The following SLAMF1 variants were observed in gnomAD, a reference collection of about 807,000 sequenced individuals.
SLAMF1 encodes the protein signaling lymphocytic activation molecule family member 1, also known as signaling lymphocytic activation molecule.
In SLAMF1, 18 loss-of-function variants were observed where a neutral mutation model predicts 35.1. That is an observed-to-expected ratio of 0.51 (90% CI 0.35 to 0.76). SLAMF1 has a LOEUF of 0.76. Ranked by LOEUF, SLAMF1 falls within the 30% of genes least tolerant of loss-of-function variation. SLAMF1 has a pLI of 0.01. For missense variants in SLAMF1, 392 were observed against 413.0 expected (o/e 0.95, Z 0.44); for synonymous variants, 168 against 157.2 (o/e 1.07, Z -0.51).
At chr1:160,625,230 G>C (rs1269283806) in intron 3 of SLAMF1, among the ~76,000 whole-genome samples, 3 of 152,160 alleles carry the variant, frequency 2.0e-5, no homozygotes, top group Non-Finnish European at 4.4e-5. Context: ...GTTCTAAGTA[G>C]AATATTCGCA....
At position 160,612,447 on chromosome 1, in the gene SLAMF1, G is replaced by A. The variant is rs760445877; in HGVS notation, c.957+41C>T. ...ACTTCCTCATTTTCCCCTCCTTCATGTATTCCCTCTCTACGGAGAGTAGGC... is the reference window on the plus strand; with the variant it reads ...ACTTCCTCATTTTCCCCTCCTTCATATATTCCCTCTCTACGGAGAGTAGGC... On this transcript the variant is annotated intron_variant, in intron 6 of 6. Transcript: ENST00000302035. 3 of 1,331,380 alleles carry A rather than the reference G, an allele frequency of 2.3e-6. 1 individual carries two copies. The highest frequency in any genetic ancestry group is 2.5e-5 in the South Asian group (2 of 78,668). The allele number at this position is 1,331,380 out of a possible 1,614,324, so 82.5% of individuals were successfully genotyped here.
In SLAMF1 at chr1:160,637,338, G is replaced by A. The variant is rs117250272; in HGVS notation, c.268C>T (p.Arg90Cys). 1.1e-5 allele frequency: 17 copies of A among 1,613,960 alleles called. No homozygotes were observed. The highest frequency in any genetic ancestry group is 4.5e-5 in the East Asian group (2 of 44,890). ...SLDPSEAGPP[R>C]YLGDRYKFYL... is the part of the protein sequence containing the mutation. ...AACTTGTAGCGATCTCCTAGATAACGTGGAGGGCCTGCTTCGGATGGATCA... is the reference window on the plus strand; with the variant it reads ...AACTTGTAGCGATCTCCTAGATAACATGGAGGGCCTGCTTCGGATGGATCA... Residue 90 changes from arginine to cysteine, a missense_variant, in exon 2 of 7, where the codon CGT becomes TGT. Arg to Cys is a radical substitution (Grantham distance 180). Coordinates refer to ENST00000302035, the MANE Select transcript of SLAMF1 (RefSeq NM_003037.5).
chr1:160,615,079 T>C (rs1474935799), intron 5 of SLAMF1, among the ~76,000 whole-genome samples: 3 of 152,150 alleles, frequency 2.0e-5, no homozygotes, highest in Non-Finnish European at 4.4e-5. Flanking sequence ...ATAAGATTAT[T>C]TTATAGCCAT....
At chr1:160,638,112 AC>A (rs932509141) in intron 1 of SLAMF1, among the ~76,000 whole-genome samples, 17 of 152,156 alleles carry the variant, frequency 1.1e-4, no homozygotes, top group African/African-American at 3.6e-4. Context: ...GTGAGATATT[AC>A]TGTATTTCTC....
chr1:160,643,296 C>T (rs1292900610), intron 1 of SLAMF1, among the ~76,000 whole-genome samples: 1 of 152,108 alleles, frequency 6.6e-6, no homozygotes, highest in Non-Finnish European at 1.5e-5. Flanking sequence ...TGGGACTTGA[C>T]TCCAAGTTCT....
At position 160,637,492 on chromosome 1, in the gene SLAMF1, C is replaced by A. The variant is rs35724925; in HGVS notation, c.114G>T (p.Gln38His). The change falls in exon 2 of 7, where the codon CAG becomes CAT. Residue 38 changes from glutamine (Q) to histidine (H), a missense_variant. Gln to His is a conservative substitution (Grantham distance 24). Transcript: ENST00000302035. ...GGGGCAGCAGCACTTTGCTTCCCAA[C>A]TGCCGGAGAATCTTTGGGCAGTTCA... ...RMMNCPKILR[Q>H]LGSKVLLPLT... is the part of the protein sequence containing the mutation. 2 of 1,612,698 alleles carry A rather than the reference C, an allele frequency of 1.2e-6. No homozygotes were observed. The highest frequency in any genetic ancestry group is 2.7e-5 in the African/African-American group (2 of 74,934).
intron 3 of SLAMF1, among the ~76,000 whole-genome samples, chr1:160,627,112 C>T (rs1659924720): frequency 6.6e-6 from 1 of 152,174 alleles, no homozygotes; most frequent in Non-Finnish European, 1.5e-5. Flanking sequence ...TCTGGGTCTA[C>T]CACTTGATAG....
intron 4 of SLAMF1, among the ~76,000 whole-genome samples, chr1:160,621,805 C>G (rs1302087363): frequency 6.6e-6 from 1 of 151,122 alleles, no homozygotes; most frequent in Non-Finnish European, 1.5e-5. Flanking sequence ...GTGGTTTCAA[C>G]TTCGCTTTTT....
At position 160,609,833 on chromosome 1, in the gene SLAMF1, A is replaced by G. The variant is rs1184734413; in HGVS notation, c.*915T>C. On this transcript the variant is annotated 3_prime_UTR_variant, in exon 7 of 7. Transcript: ENST00000302035. Reference sequence around the variant, plus strand: ...CAATACCCCTTGAAGCCCTGGATATAAGAGGTTCAGAATCTGGTCACAGAG... The same window carrying G: ...CAATACCCCTTGAAGCCCTGGATATGAGAGGTTCAGAATCTGGTCACAGAG... 6.4e-6 allele frequency: 1 copy of G among 156,264 alleles called. No individual in the cohort carries two copies. The highest frequency in any genetic ancestry group is 2.4e-5 in the African/African-American group (1 of 41,462). 9.7% of individuals were successfully genotyped at this position (156,264 alleles called of 1,614,324 possible).
At chr1:160,618,396 G>C (rs991735677) in intron 5 of SLAMF1, among the ~76,000 whole-genome samples, 22 of 149,176 alleles carry the variant, frequency 1.5e-4, no homozygotes, top group African/African-American at 5.7e-4. Flanking sequence ...GTGTGTATGT[G>C]AGAGTGAGTG....
At chr1:160,634,938 C>T (rs752490536) in intron 2 of SLAMF1, 41 bp from the exon 3 acceptor site, 3 of 1,549,210 alleles carry the variant, frequency 1.9e-6, no homozygotes, top group Admixed American at 1.9e-5. Flanking sequence ...CTGAAGTGAA[C>T]CCCTGGGAAT....
rs558017005 is a variant in SLAMF1 at position 160,619,174 on chromosome 1, C to T, written c.864+602G>A. 3.3e-5 allele frequency among the ~76,000 whole-genome samples: 5 copies of T among 152,308 alleles called. No homozygotes were observed. The East Asian group carries it at 5.8e-4, about 18-fold the overall frequency. On this transcript the variant is annotated intron_variant, in intron 5 of 6. Coordinates refer to ENST00000302035, the MANE Select transcript of SLAMF1 (RefSeq NM_003037.5). ...ACTACAGTGTCTCTACATCTAACCA[C>T]GATCCTTTTAGCGTCTCTATCCCTT...
At chr1:160,620,154 G>A (rs1035649529) in intron 4 of SLAMF1, among the ~76,000 whole-genome samples, 1 of 152,156 alleles carries the variant, frequency 6.6e-6, no homozygotes, top group Admixed American at 6.5e-5. Flanking sequence ...TGCCCAATAC[G>A]CATTAGGTGT....
intron 3 of SLAMF1, among the ~76,000 whole-genome samples, chr1:160,625,083 A>G (rs555636628): frequency 6.6e-6 from 1 of 152,350 alleles, no homozygotes; most frequent in South Asian, 2.1e-4. Context: ...GAGAACCTCA[A>G]GAACTAGAGC....
chr1:160,634,039 C>T (rs561222905), intron 3 of SLAMF1, among the ~76,000 whole-genome samples: 181 of 152,314 alleles, frequency 1.2e-3, no homozygotes, highest in African/African-American at 4.2e-3. Flanking sequence ...CTTAGTCTCT[C>T]GTTCTGACTC....
intron 3 of SLAMF1, among the ~76,000 whole-genome samples, chr1:160,633,891 C>T (rs1660289644): frequency 6.6e-6 from 1 of 152,204 alleles, no homozygotes. Flanking sequence ...TCAATTTCCT[C>T]ATCTGTAAAA....
At chr1:160,640,325 C>CATATATATATATATAT (rs56785818) in intron 1 of SLAMF1, among the ~76,000 whole-genome samples, 147 of 94,086 alleles carry the variant, frequency 1.6e-3, no homozygotes, top group Non-Finnish European at 2.1e-3. Flanking sequence ...TTAGGTTTGT[C>CATATATATATATATAT]ATATATATAT....
At chr1:160,628,980 A>C (rs1660022800) in intron 3 of SLAMF1, among the ~76,000 whole-genome samples, 1 of 152,182 alleles carries the variant, frequency 6.6e-6, no homozygotes, top group Non-Finnish European at 1.5e-5. Flanking sequence ...CTGGATGGTG[A>C]TGCTGAGAAA....
intron 2 of SLAMF1, among the ~76,000 whole-genome samples, chr1:160,636,728 A>C (rs1023669221): frequency 2.6e-5 from 4 of 152,232 alleles, no homozygotes; most frequent in Non-Finnish European, 5.9e-5. Context: ...ATCTTTATCC[A>C]GAACCCCCAG....
Sources: gnomAD v4.1 joint callset for allele counts (sites outside exome capture counted in the v4.1 genomes callset) on GRCh38, gnomAD v4.1.1 for gene constraint, MANE v1.5 for transcripts, NCBI Gene and HGNC (gene_info 2026-07-23, HGNC 2026-07-21) for gene names.